DOCK3: variants seen among roughly 807,000 people sequenced by gnomAD.
DOCK3 encodes the protein dedicator of cytokinesis protein 3.
DOCK3 carries 60 observed loss-of-function variants against 265.6 expected under a neutral mutation model. The observed-to-expected ratio is 0.23, with a 90% CI of 0.18 to 0.28. The LOEUF (loss-of-function observed/expected upper bound fraction) is 0.28, where lower values mean the gene tolerates loss of function less well. DOCK3 is among the 10% of genes least tolerant of loss of function. The probability of loss-of-function intolerance (pLI) is 1.00; values close to 1 mark genes in which losing one functional copy is unlikely to be tolerated. For synonymous variants in DOCK3, 881 were observed against 938.0 expected (o/e 0.94, Z 1.11); for missense variants, 1,981 against 2,594.3 (o/e 0.76, Z 5.14).
intron 1 of DOCK3, among the ~76,000 whole-genome samples, chr3:50,686,622 C>G (rs2034822504): frequency 6.6e-6 from 1 of 152,164 alleles, no homozygotes; most frequent in African/African-American, 2.4e-5. Context: ...TGTAAAATCT[C>G]TGCTCGCCAA....
intron 3 of DOCK3, among the ~76,000 whole-genome samples, chr3:50,858,238 T>TG (rs1427273512): frequency 3.3e-5 from 5 of 151,942 alleles, no homozygotes; most frequent in South Asian, 2.1e-4. Context: ...TGAGAACACT[T>TG]GGACACAGGA....
intron 5 of DOCK3, among the ~76,000 whole-genome samples, chr3:50,939,341 A>G (rs2051568879): frequency 6.6e-6 from 1 of 152,142 alleles, no homozygotes; most frequent in South Asian, 2.1e-4. Flanking sequence ...AGAGTCTTCT[A>G]GAAAATGGAT....
intron 1 of DOCK3, among the ~76,000 whole-genome samples, chr3:50,712,826 C>T (rs1017328493): frequency 6.6e-6 from 1 of 152,142 alleles, no homozygotes; most frequent in African/African-American, 2.4e-5. Flanking sequence ...GTAATTTCAG[C>T]CCTTTTACAT....
intron 5 of DOCK3, among the ~76,000 whole-genome samples, chr3:50,940,370 TA>T (rs989190757): frequency 2.7e-5 from 4 of 150,676 alleles, no homozygotes; most frequent in African/African-American, 9.7e-5. Flanking sequence ...AAGATCTGTA[TA>T]TTGAAAACTG....
chr3:50,851,697 C>T (rs577566555), intron 3 of DOCK3, among the ~76,000 whole-genome samples: 1 of 152,318 alleles, frequency 6.6e-6, no homozygotes, highest in African/African-American at 2.4e-5. Context: ...CCTGGAGAAA[C>T]TGCAGTTGTA....
chr3:51,066,002 C>T (rs529023723), intron 6 of DOCK3, among the ~76,000 whole-genome samples: 23 of 152,168 alleles, frequency 1.5e-4, no homozygotes, highest in Non-Finnish European at 2.1e-4. Flanking sequence ...ATCCTCAAAT[C>T]GAATCTAAAA....
At chr3:50,944,309 G>A (rs1274022441) in intron 5 of DOCK3, among the ~76,000 whole-genome samples, 1 of 152,158 alleles carries the variant, frequency 6.6e-6, no homozygotes, top group African/African-American at 2.4e-5. Context: ...GGAAAATGTT[G>A]ACTTTGTATT....
chr3:51,229,824 A>G (rs1052505911), intron 19 of DOCK3, among the ~76,000 whole-genome samples: 2 of 151,914 alleles, frequency 1.3e-5, no homozygotes, highest in Non-Finnish European at 2.9e-5. Flanking sequence ...TCTGTATGGG[A>G]TACAATATGA....
Position 50,881,817 on chromosome 3 carries a change from C to A in DOCK3, c.163-8209C>A, listed in dbSNP as rs926726022. Among the ~76,000 whole-genome samples the A allele has an allele frequency of 4.6e-5, 7 of 152,196 alleles. No individual in the cohort carries two copies. The East Asian group carries it at 7.7e-4, about 17-fold the overall frequency. On this transcript the variant is annotated intron_variant, in intron 3 of 52. Transcript: ENST00000266037. ...GAGCCCGCATTGCCCAGACAATCCTCAGCCAAAAGAACAAAGCTGGAGGCA... is the reference window on the plus strand; with the variant it reads ...GAGCCCGCATTGCCCAGACAATCCTAAGCCAAAAGAACAAAGCTGGAGGCA...
intron 1 of DOCK3, among the ~76,000 whole-genome samples, chr3:50,682,211 G>C (rs957908026): frequency 6.6e-6 from 1 of 152,146 alleles, no homozygotes; most frequent in Non-Finnish European, 1.5e-5. Flanking sequence ...TCATGTTATG[G>C]TTCAAATTTG....
chr3:51,330,098 G>T, intron 32 of DOCK3, 40 bp from the exon 33 acceptor site: 1 of 1,554,856 alleles, frequency 6.4e-7, no homozygotes, highest in South Asian at 1.2e-5. Context: ...TTCTTTTTCT[G>T]AGGTCATCTC....
At chr3:50,765,247 A>G (rs1464999131) in intron 1 of DOCK3, among the ~76,000 whole-genome samples, 2 of 148,406 alleles carry the variant, frequency 1.3e-5, no homozygotes, top group Non-Finnish European at 3.0e-5. Flanking sequence ...ATTCCTGGCT[A>G]ATTTTTTTGA....
chr3:51,021,774 G>A (rs902577791), intron 5 of DOCK3, among the ~76,000 whole-genome samples: 3 of 151,108 alleles, frequency 2.0e-5, no homozygotes, highest in Non-Finnish European at 2.9e-5. Context: ...CGATTCTCCT[G>A]CCTCAGCCTC....
At chr3:51,159,180 C>T (rs2086009283) in intron 10 of DOCK3, 64 bp from the exon 11 acceptor site, 1 of 1,526,366 alleles carries the variant, frequency 6.6e-7, no homozygotes, top group South Asian at 1.1e-5. Flanking sequence ...ACTAGAGATT[C>T]AAAATGAATT....
At chr3:50,984,886 A>G (rs1471485915) in intron 5 of DOCK3, among the ~76,000 whole-genome samples, 1 of 152,230 alleles carries the variant, frequency 6.6e-6, no homozygotes, top group Non-Finnish European at 1.5e-5. Context: ...TATTGTAAGT[A>G]ACCTAGAGAT....
At chr3:51,064,705 T>C (rs1385124448) in intron 6 of DOCK3, 109 bp downstream of exon 6, 4 of 1,356,462 alleles carry the variant, frequency 2.9e-6, no homozygotes, top group Non-Finnish European at 4.0e-6. Context: ...AAGGCAATGT[T>C]ATATTCTTCA....
At chr3:51,181,486 C>T (rs1369298885) in intron 12 of DOCK3, among the ~76,000 whole-genome samples, 2 of 151,848 alleles carry the variant, frequency 1.3e-5, no homozygotes, top group Non-Finnish European at 2.9e-5. Context: ...TTTATGGCTG[C>T]ATGGTATTCC....
intron 2 of DOCK3, among the ~76,000 whole-genome samples, chr3:50,784,554 G>A (rs2042089017): frequency 6.6e-6 from 1 of 152,074 alleles, no homozygotes; most frequent in Non-Finnish European, 1.5e-5. Context: ...AAGAATGATG[G>A]TGATATTTTG....
chr3:51,138,414 A>G (rs1407095059), intron 9 of DOCK3, among the ~76,000 whole-genome samples: 1 of 152,176 alleles, frequency 6.6e-6, no homozygotes, highest in Non-Finnish European at 1.5e-5. Flanking sequence ...AGTTATTTTG[A>G]GTGTTAAAAA....
Sources: gnomAD v4.1 joint callset for allele counts (sites outside exome capture counted in the v4.1 genomes callset) on GRCh38, gnomAD v4.1.1 for gene constraint, MANE v1.5 for transcripts, NCBI Gene and HGNC (gene_info 2026-07-23, HGNC 2026-07-21) for gene names.